The following TM4SF5 variants were observed in gnomAD, a reference collection of about 807,000 sequenced individuals.
TM4SF5 encodes the protein transmembrane 4 L six family member 5, also known as transmembrane 4 L6 family member 5.
Under a neutral mutation model 22.3 loss-of-function variants are expected in TM4SF5, and 16 were observed. The ratio of observed to expected loss-of-function variants is 0.72; its 90% CI spans 0.49 to 1.09. TM4SF5 has a LOEUF of 1.09. TM4SF5 is among the 50% of genes least tolerant of loss of function. The pLI, the probability that TM4SF5 is intolerant of heterozygous loss-of-function variation, is 0.00. For missense variants in TM4SF5, 249 were observed against 266.1 expected (o/e 0.94, Z 0.45); for synonymous variants, 113 against 109.6 (o/e 1.03, Z -0.19).
At chr17:4,782,200 T>A (rs1053953362) in intron 2 of TM4SF5, among the ~76,000 whole-genome samples, 3 of 151,616 alleles carry the variant, frequency 2.0e-5, no homozygotes, top group African/African-American at 7.3e-5. Context: ...ATGTTCAAGC[T>A]ATTCTCCTGC....
intron 2 of TM4SF5, 24 bp from the exon 3 acceptor site, chr17:4,782,479 C>A (rs374119739): frequency 1.7e-4 from 279 of 1,613,222 alleles, no homozygotes; most frequent in Non-Finnish European, 2.3e-4. Context: ...TTGGGCCTTA[C>A]CTCCCCTTCC....
chr17:4,776,642 G>GT (rs898387250), intron 1 of TM4SF5, among the ~76,000 whole-genome samples: 8 of 152,214 alleles, frequency 5.3e-5, no homozygotes, highest in African/African-American at 1.2e-4. Flanking sequence ...TCCCAGTTTG[G>GT]TTTTTTTGCA....
chr17:4,776,404 T>C (rs2150645889), intron 1 of TM4SF5, among the ~76,000 whole-genome samples: 1 of 152,132 alleles, frequency 6.6e-6, no homozygotes, highest in Admixed American at 6.6e-5. Flanking sequence ...CAGGTTCACA[T>C]GATTCTCCTG....
chr17:4,775,466 G>A (rs1052759965), intron 1 of TM4SF5, among the ~76,000 whole-genome samples: 5 of 151,316 alleles, frequency 3.3e-5, no homozygotes, highest in South Asian at 2.1e-4. Context: ...GGGTTTCACC[G>A]TGTTAGCCAG....
intron 2 of TM4SF5, among the ~76,000 whole-genome samples, chr17:4,781,337 A>G (rs1364815324): frequency 6.6e-6 from 1 of 151,316 alleles, no homozygotes; most frequent in Non-Finnish European, 1.5e-5. Flanking sequence ...TCTCAAAAAA[A>G]AGAAAAGAAA....
intron 2 of TM4SF5, among the ~76,000 whole-genome samples, chr17:4,781,246 C>T (rs1361232335): frequency 1.3e-5 from 2 of 150,522 alleles, no homozygotes; most frequent in African/African-American, 4.9e-5. Flanking sequence ...AGGAAAATCA[C>T]TTGAACCCTG....
intron 2 of TM4SF5, among the ~76,000 whole-genome samples, 165 bp downstream of exon 2, chr17:4,781,034 G>A (rs1260205312): frequency 6.6e-6 from 1 of 151,388 alleles, no homozygotes; most frequent in Non-Finnish European, 1.5e-5. Context: ...ACAAAAATTA[G>A]CCGGGCGTGG....
Position 4,780,769 on chromosome 17 carries a change from C to A in TM4SF5, c.178-20C>A. The A allele has an allele frequency of 1.9e-6, 3 of 1,600,468 alleles. No individual in the cohort carries two copies. Among genetic ancestry groups the A allele is most frequent in the Non-Finnish European group, 2.6e-6 (3 of 1,172,902 alleles). ...GAGGATCTGGGGGGACGTGCTATAA[C>A]AATGACTCTTGTCCCACAGGTACTG... On this transcript the variant is annotated intron_variant, in intron 1 of 4. Transcript: ENST00000270560.
intron 1 of TM4SF5, among the ~76,000 whole-genome samples, chr17:4,779,742 G>C (rs139559478): frequency 1.3e-5 from 2 of 152,156 alleles, no homozygotes; most frequent in Non-Finnish European, 2.9e-5. Flanking sequence ...TGAGATGAGC[G>C]TGAGGCTGGT....
intron 1 of TM4SF5, among the ~76,000 whole-genome samples, chr17:4,776,898 TA>T (rs1917216642): frequency 6.6e-6 from 1 of 152,174 alleles, no homozygotes; most frequent in East Asian, 1.9e-4. Flanking sequence ...CTGCAATATA[TA>T]CAGAAAAAGA....
In TM4SF5 at chr17:4,782,652, C is replaced by G. The variant is rs770557799; in HGVS notation, c.395+13C>G. ...TCGAAGACACCGCGTAAGGTTTAGC[C>G]TGTATTCGTGTCCTCCATTCTCTGC... On this transcript the variant is annotated intron_variant, in intron 3 of 4. Coordinates refer to ENST00000270560, the MANE Select transcript of TM4SF5 (RefSeq NM_003963.3). 10 of 1,613,856 alleles carry G rather than the reference C, an allele frequency of 6.2e-6. No homozygotes were observed.
In TM4SF5 at chr17:4,776,453, C is replaced by T. The variant is rs1917207299; in HGVS notation, c.178-4336C>T. ...AGTAGCTGGGATTACAGGCATGTGC[C>T]ACCGTGCCCAGTTAATTTTTGTATT... On this transcript the variant is annotated intron_variant, in intron 1 of 4. Transcript: ENST00000270560. Among the ~76,000 whole-genome samples the T allele has an allele frequency of 2.0e-5, 3 of 152,040 alleles. No individual in the cohort carries two copies. The South Asian group carries it at 6.2e-4, about 31-fold the overall frequency.
rs1917333926 is a variant in TM4SF5, at chr17:4,782,638, G to T, written c.394G>T (p.Ala132Ser). Reference sequence around the variant, plus strand: ...GTGGGGCTACCACTTCGAAGACACCGCGTAAGGTTTAGCCTGTATTCGTGT... The same window carrying T: ...GTGGGGCTACCACTTCGAAGACACCTCGTAAGGTTTAGCCTGTATTCGTGT... ...GEWGYHFEDT[A>S]GAYLLNRTLW... The change falls in exon 3 of 5, where the codon GCG (alanine) becomes TCG (serine). Residue 132 changes from alanine to serine, a missense_variant and splice_region_variant. By Grantham distance (99) the Ala-to-Ser change is moderately conservative. Transcript: ENST00000270560. 1 of 1,614,138 alleles carries T rather than the reference G, an allele frequency of 6.2e-7. No homozygotes were observed. Among genetic ancestry groups the T allele is most frequent in the East Asian group, 2.2e-5 (1 of 44,874 alleles).
At chr17:4,774,733 C>T (rs1917177278) in intron 1 of TM4SF5, among the ~76,000 whole-genome samples, 1 of 151,986 alleles carries the variant, frequency 6.6e-6, no homozygotes. Flanking sequence ...ATGCAGAAAT[C>T]CTGTCTCTAC....
Position 4,783,018 on chromosome 17 carries a change from G to C in TM4SF5, c.560G>C (p.Gly187Ala), listed in dbSNP as rs1340067757. 6.2e-7 allele frequency: 1 copy of C among 1,614,058 alleles called. No individual in the cohort carries two copies. Among genetic ancestry groups the C allele is most frequent in the African/African-American group, 1.3e-5 (1 of 74,934 alleles). ...LVNATIGVFCGDCRKKQDTPH is the reference protein window; with the variant it reads ...LVNATIGVFCADCRKKQDTPH ...AACGCGACCATTGGTGTCTTCTGCG[G>C]CGATTGCAGGAAAAAACAGGTGAAA... The change falls in exon 4 of 5, where the codon GGC (glycine) becomes GCC (alanine). Residue 187 changes from glycine to alanine, a missense_variant. Physicochemically the swap from Gly to Ala is moderately conservative, Grantham distance 60. Coordinates refer to ENST00000270560, the MANE Select transcript of TM4SF5 (RefSeq NM_003963.3).
At chr17:4,774,764 A>C (rs1917177527) in intron 1 of TM4SF5, among the ~76,000 whole-genome samples, 1 of 151,968 alleles carries the variant, frequency 6.6e-6, no homozygotes. Flanking sequence ...AAAATTAGCC[A>C]GGCGTGGTGG....
intron 1 of TM4SF5, among the ~76,000 whole-genome samples, chr17:4,773,045 C>G (rs560577496): frequency 5.9e-5 from 9 of 151,770 alleles, no homozygotes; most frequent in Non-Finnish European, 1.2e-4. Flanking sequence ...GCTGGGATTA[C>G]GGTCACGTGC....
In TM4SF5 at chr17:4,772,008, TGGTACCTAATG is replaced by T; in HGVS notation, c.89_99del (p.Val30GlyfsTer169). 1 of 1,614,204 alleles carries T rather than the reference TGGTACCTAATG, an allele frequency of 6.2e-7. No individual in the cohort carries two copies. The highest frequency in any genetic ancestry group is 8.5e-7 in the Non-Finnish European group (1 of 1,180,028). ...TGCATTGTGGCCAACGCCCTCCTGC[TGGTACCTAATG>T]GGGAGACCTCCTGGACCAACACCAA... On this transcript the variant is annotated frameshift_variant, in exon 1 of 5. Coordinates refer to ENST00000270560, the MANE Select transcript of TM4SF5 (RefSeq NM_003963.3). LOFTEE classifies it high-confidence loss of function.
chr17:4,775,187 G>A (rs1449964109), intron 1 of TM4SF5, among the ~76,000 whole-genome samples: 2 of 152,048 alleles, frequency 1.3e-5, no homozygotes, highest in Non-Finnish European at 2.9e-5. Context: ...GGCTAGGCCT[G>A]GAACACCCTG....
Sources: allele counts gnomAD v4.1 joint callset (sites outside exome capture counted in the v4.1 genomes callset), GRCh38; gene constraint gnomAD v4.1.1; transcripts MANE v1.5; gene names NCBI Gene and HGNC (gene_info 2026-07-23, HGNC 2026-07-21).